The following FHIT variants were observed in gnomAD, a reference collection of about 807,000 sequenced individuals.
FHIT encodes the protein bis(5'-adenosyl)-triphosphatase.
In FHIT, 19 loss-of-function variants were observed where a neutral mutation model predicts 17.9. That is an observed-to-expected ratio of 1.06 (90% CI 0.74 to 1.56). The LOEUF is 1.56. FHIT is among the 40% of genes most tolerant of loss of function. The pLI, the probability that FHIT is intolerant of heterozygous loss-of-function variation, is 0.00. For synonymous variants in FHIT, 81 were observed against 69.7 expected (o/e 1.16, Z -0.81); for missense variants, 248 against 189.2 (o/e 1.31, Z -1.82).
chr3:60,896,302 C>T (rs1260699006), intron 3 of FHIT, among the ~76,000 whole-genome samples: 2 of 152,142 alleles, frequency 1.3e-5, no homozygotes, highest in Non-Finnish European at 2.9e-5. Flanking sequence ...GAGCTGGGCA[C>T]TCAGTGTGTT....
intron 4 of FHIT, among the ~76,000 whole-genome samples, chr3:60,606,718 C>A (rs941131117): frequency 6.6e-6 from 1 of 152,084 alleles, no homozygotes; most frequent in Admixed American, 6.5e-5. Context: ...GTTAATTGGA[C>A]CTTCTCTTCC....
At chr3:60,564,870 T>G (rs1174814773) in intron 4 of FHIT, among the ~76,000 whole-genome samples, 2 of 152,204 alleles carry the variant, frequency 1.3e-5, no homozygotes, top group African/African-American at 4.8e-5. Context: ...ACAACAGCAC[T>G]GTCAAAGACG....
intron 3 of FHIT, among the ~76,000 whole-genome samples, chr3:60,961,971 C>T (rs1709475743): frequency 6.6e-6 from 1 of 152,150 alleles, no homozygotes; most frequent in Non-Finnish European, 1.5e-5. Flanking sequence ...TGAAGGAAGT[C>T]ATTGGTAGCT....
chr3:60,089,414 A>G (rs1394159988), intron 5 of FHIT, among the ~76,000 whole-genome samples: 1 of 152,162 alleles, frequency 6.6e-6, no homozygotes, highest in Non-Finnish European at 1.5e-5. Flanking sequence ...CATCCACTAC[A>G]CAGCACAGAG....
In FHIT at chr3:60,547,756, T is replaced by C. The variant is rs1213888281; in HGVS notation, c.-17-10777A>G. On this transcript the variant is annotated intron_variant, in intron 4 of 9. Coordinates refer to ENST00000492590, the MANE Select transcript of FHIT (RefSeq NM_002012.4). Reference sequence around the variant, plus strand: ...AAACATAAAAGAAACAATGAAAAGATCTCTACTATCCTTTTGTGTGTGACT... The same window carrying C: ...AAACATAAAAGAAACAATGAAAAGACCTCTACTATCCTTTTGTGTGTGACT... Among the ~76,000 whole-genome samples the C allele has an allele frequency of 3.3e-5, 5 of 152,270 alleles. 1 individual carries two copies. In the East Asian group the frequency reaches 9.7e-4, roughly 29 times the overall value.
At chr3:60,262,466 T>C (rs1207197985) in intron 5 of FHIT, among the ~76,000 whole-genome samples, 2 of 152,126 alleles carry the variant, frequency 1.3e-5, no homozygotes, top group Non-Finnish European at 2.9e-5. Context: ...CCACCCTTTT[T>C]GGTTCTGGGA....
At chr3:60,626,960 T>A (rs2039305944) in intron 4 of FHIT, among the ~76,000 whole-genome samples, 1 of 152,136 alleles carries the variant, frequency 6.6e-6, no homozygotes, top group African/African-American at 2.4e-5. Flanking sequence ...ATCATGTTGC[T>A]TTTATCCTTT....
chr3:60,997,739 T>G (rs556170730), intron 3 of FHIT, among the ~76,000 whole-genome samples: 1 of 152,290 alleles, frequency 6.6e-6, no homozygotes, highest in Admixed American at 6.5e-5. Flanking sequence ...CATGAATTCG[T>G]GAATTGCATA....
chr3:59,903,612 A>T (rs1383334276), intron 8 of FHIT, among the ~76,000 whole-genome samples: 3 of 152,316 alleles, frequency 2.0e-5, no homozygotes, highest in Non-Finnish European at 4.4e-5. Flanking sequence ...AAATACTCAA[A>T]CATATGTGTG....
At chr3:60,066,284 T>C (rs373483750) in intron 5 of FHIT, among the ~76,000 whole-genome samples, 6 of 152,190 alleles carry the variant, frequency 3.9e-5, no homozygotes, top group East Asian at 3.8e-4. Context: ...CATTTTTATC[T>C]TGATACTCCG....
At chr3:59,899,965 T>C (rs1009518626) in intron 8 of FHIT, among the ~76,000 whole-genome samples, 1 of 152,236 alleles carries the variant, frequency 6.6e-6, no homozygotes, top group Non-Finnish European at 1.5e-5. Context: ...TTGCCGGCCA[T>C]AGGTAAACAA....
chr3:60,099,852 T>C (rs1704119122), intron 5 of FHIT, among the ~76,000 whole-genome samples: 1 of 152,214 alleles, frequency 6.6e-6, no homozygotes. Flanking sequence ...AAGCGGAAAC[T>C]CTGGCTGATT....
At chr3:59,780,897 T>C (rs1289945698) in intron 8 of FHIT, among the ~76,000 whole-genome samples, 1 of 152,232 alleles carries the variant, frequency 6.6e-6, no homozygotes, top group Non-Finnish European at 1.5e-5. Context: ...CTACAAATTC[T>C]CCTCTAAGTG....
intron 4 of FHIT, among the ~76,000 whole-genome samples, chr3:60,554,132 G>C (rs1265184637): frequency 6.6e-6 from 1 of 151,432 alleles, no homozygotes; most frequent in Non-Finnish European, 1.5e-5. Flanking sequence ...ACAGAAACCT[G>C]AATAAAAAGG....
intron 4 of FHIT, among the ~76,000 whole-genome samples, chr3:60,771,307 C>G (rs1162336334): frequency 6.6e-6 from 1 of 152,242 alleles, no homozygotes; most frequent in Non-Finnish European, 1.5e-5. Context: ...CTCTATCCCA[C>G]TGTTCAACAA....
intron 4 of FHIT, among the ~76,000 whole-genome samples, chr3:60,628,861 C>G (rs1460494737): frequency 6.6e-6 from 1 of 152,102 alleles, no homozygotes; most frequent in African/African-American, 2.4e-5. Context: ...CCTGGAGCTC[C>G]AGAGCTGGCA....
At chr3:60,373,595 G>A (rs566565080) in intron 5 of FHIT, among the ~76,000 whole-genome samples, 15 of 152,012 alleles carry the variant, frequency 9.9e-5, no homozygotes, top group African/African-American at 1.7e-4. Flanking sequence ...TGTATAAGCC[G>A]TCTCCCTAGC....
At chr3:60,920,610 C>T (rs1707228282) in intron 3 of FHIT, among the ~76,000 whole-genome samples, 1 of 151,996 alleles carries the variant, frequency 6.6e-6, no homozygotes, top group South Asian at 2.1e-4. Context: ...CAGAGGAAAC[C>T]CAACATGCCA....
chr3:60,173,525 C>G (rs986007147), intron 5 of FHIT, among the ~76,000 whole-genome samples: 1 of 152,048 alleles, frequency 6.6e-6, no homozygotes, highest in Non-Finnish European at 1.5e-5. Flanking sequence ...AATGTACAAC[C>G]TTTTCTCTGC....
Sources: gnomAD v4.1 joint callset for allele counts (sites outside exome capture counted in the v4.1 genomes callset) on GRCh38, gnomAD v4.1.1 for gene constraint, MANE v1.5 for transcripts, NCBI Gene and HGNC (gene_info 2026-07-23, HGNC 2026-07-21) for gene names.